SMYD4: variants seen among roughly 807,000 people sequenced by gnomAD.
SMYD4 encodes protein-lysine N-methyltransferase SMYD4.
In SMYD4, 68 loss-of-function variants were observed where a neutral mutation model predicts 72.8. The observed-to-expected ratio is 0.93, with a 90% CI of 0.77 to 1.14. The LOEUF (loss-of-function observed/expected upper bound fraction) is 1.14, where lower values mean the gene tolerates loss of function less well. Among genes scored for constraint, SMYD4 ranks in the 50% most tolerant of loss-of-function variants. The pLI, the probability that SMYD4 is intolerant of heterozygous loss-of-function variation, is 0.00. For missense variants in SMYD4, 984 were observed against 1,003.7 expected (o/e 0.98, Z 0.27); for synonymous variants, 407 against 388.6 (o/e 1.05, Z -0.56).
chr17:1,816,656 T>C (rs1910613656), intron 2 of SMYD4, among the ~76,000 whole-genome samples: 2 of 151,474 alleles, frequency 1.3e-5, no homozygotes, highest in Admixed American at 6.6e-5. Flanking sequence ...AGATGGAGTC[T>C]CCCTTTGTCG....
Position 1,800,010 on chromosome 17 carries a change from T to C in SMYD4, c.1384A>G (p.Ile462Val), listed in dbSNP as rs543569710. 3 of 1,614,190 alleles carry C rather than the reference T, an allele frequency of 1.9e-6. No individual in the cohort carries two copies. Among genetic ancestry groups the C allele is most frequent in the African/African-American group, 1.3e-5 (1 of 75,054 alleles). The part of the protein sequence containing the change: ...RQLEAASLQA[I>V]PTERIVNSSQ... ...GAGTTCACAATCCTCTCAGTTGGGATGGCCTGTAAACTGGCTGCTTCTAGC... is the reference window on the plus strand; with the variant it reads ...GAGTTCACAATCCTCTCAGTTGGGACGGCCTGTAAACTGGCTGCTTCTAGC... Residue 462 changes from isoleucine to valine, a missense_variant, in exon 5 of 11, where the codon ATC (isoleucine) becomes GTC (valine). Physicochemically the swap from Ile to Val is conservative, Grantham distance 29. Coordinates refer to ENST00000305513, the MANE Select transcript of SMYD4 (RefSeq NM_052928.3).
Position 1,800,868 on chromosome 17 carries a change from T to C in SMYD4, c.526A>G (p.Thr176Ala), listed in dbSNP as rs149682118. 1.4e-3 allele frequency: 2,206 copies of C among 1,614,196 alleles called. 5 individuals carry two copies. The highest frequency in any genetic ancestry group is 1.7e-3 in the Non-Finnish European group (1,976 of 1,180,028). The change falls in exon 5 of 11, where the codon ACA becomes GCA. Residue 176 changes from threonine to alanine, a missense_variant. Physicochemically the swap from Thr to Ala is moderately conservative, Grantham distance 58. Coordinates refer to ENST00000305513, the MANE Select transcript of SMYD4 (RefSeq NM_052928.3). ...ISDLERNFTA[T>A]PALADVLPQT... ...GGGAGGACATCTGCTAGGGCTGGTG[T>C]GGCTGTGAAGTTCCTTTCAAGATCA...
chr17:1,798,752 T>C (rs1035987474), intron 5 of SMYD4, among the ~76,000 whole-genome samples: 4 of 151,670 alleles, frequency 2.6e-5, no homozygotes, highest in Non-Finnish European at 5.9e-5. Flanking sequence ...ACAAAAAAAT[T>C]AGCCAGGCAT....
At chr17:1,804,168 C>CCTGG (rs1438243740) in intron 4 of SMYD4, among the ~76,000 whole-genome samples, 18 of 151,192 alleles carry the variant, frequency 1.2e-4, no homozygotes, top group Non-Finnish European at 2.4e-4. Flanking sequence ...AGCCACTGTG[C>CCTGG]CTGGCCTAGT....
intron 2 of SMYD4, among the ~76,000 whole-genome samples, chr17:1,826,794 G>C (rs996878936): frequency 2.6e-5 from 4 of 152,114 alleles, no homozygotes; most frequent in African/African-American, 7.2e-5. Context: ...ACATTACCAA[G>C]TTGTCATTCA....
At chr17:1,824,236 G>A (rs987604963) in intron 2 of SMYD4, among the ~76,000 whole-genome samples, 1 of 152,134 alleles carries the variant, frequency 6.6e-6, no homozygotes, top group African/African-American at 2.4e-5. Context: ...CTAGCTACTT[G>A]GGAGGCTGAG....
chr17:1,784,360 T>A lies in SMYD4; in HGVS notation c.1986A>T (p.Arg662Ser), dbSNP rs761931183. 222 of 1,614,246 alleles carry A rather than the reference T, an allele frequency of 1.4e-4. 2 individuals are homozygous for A. The highest frequency in any genetic ancestry group is 1.2e-3 in the Middle Eastern group (7 of 6,062). The part of the protein sequence containing the change: ...SRLQDLQQQV[R>S]VAQKLLRDGE... ...CATCTCTGAGAAGCTTCTGGGCCAC[T>A]CTGACCTGCTGCTGTAGGTCCTGTA... Residue 662 changes from arginine (R) to serine (S), a missense_variant, in exon 8 of 11, where the codon AGA (arginine) becomes AGT (serine). Transcript: ENST00000305513.
intron 5 of SMYD4, among the ~76,000 whole-genome samples, chr17:1,797,294 A>G (rs796639244): frequency 2.0e-5 from 3 of 152,244 alleles, no homozygotes; most frequent in South Asian, 2.1e-4. Flanking sequence ...AATTGAAAAA[A>G]TTAAGAAAAG....
At chr17:1,788,123 G>T (rs1478011747) in intron 5 of SMYD4, among the ~76,000 whole-genome samples, 1 of 152,046 alleles carries the variant, frequency 6.6e-6, no homozygotes, top group Non-Finnish European at 1.5e-5. Context: ...TCACGCAGAA[G>T]AATTGCTTGA....
chr17:1,805,606 G>A (rs1343876312), intron 3 of SMYD4, among the ~76,000 whole-genome samples: 2 of 151,662 alleles, frequency 1.3e-5, no homozygotes, highest in African/African-American at 4.8e-5. Context: ...GAGGTGAGGA[G>A]TTTGAGACCT....
chr17:1,782,962 A>G, intron 10 of SMYD4, 73 bp downstream of exon 10: 8 of 1,549,762 alleles, frequency 5.2e-6, no homozygotes, highest in Non-Finnish European at 6.9e-6. Context: ...AAAACACCAT[A>G]GAAAAAAAGT....
intron 7 of SMYD4, 103 bp from the exon 8 acceptor site, chr17:1,784,564 G>C: frequency 2.6e-6 from 4 of 1,528,928 alleles, no homozygotes; most frequent in African/African-American, 1.4e-5. Flanking sequence ...CCTCATGGGG[G>C]AAAGAGACTC....
rs1367386566 is a variant in SMYD4 at position 1,786,860 on chromosome 17, CTG to C, written c.1832_1833del (p.Ala611GlyfsTer20). On this transcript the variant is annotated frameshift_variant, in exon 7 of 11. Coordinates refer to ENST00000305513, the MANE Select transcript of SMYD4 (RefSeq NM_052928.3). LOFTEE classifies it high-confidence loss of function. The part of the protein sequence containing the change: ...ACQTEAHRMA[A>X]GPRWEAFCCN... ...CAACAGAATGCTTCCCACCTGGGCC[CTG>C]CAGCCATCCTGTGTGCCTCAGTTTG... is the stretch of plus-strand genomic sequence containing the variant. The C allele has an allele frequency of 8.7e-6, 14 of 1,614,216 alleles. No individual in the cohort carries two copies. Among genetic ancestry groups the C allele is most frequent in the Non-Finnish European group, 1.2e-5 (14 of 1,180,056 alleles).
chr17:1,819,358 G>T (rs531579393), intron 2 of SMYD4, among the ~76,000 whole-genome samples: 1 of 152,140 alleles, frequency 6.6e-6, no homozygotes, highest in South Asian at 2.1e-4. Flanking sequence ...CTACGTCTCA[G>T]AACAAACAAA....
At position 1,790,077 on chromosome 17, in the gene SMYD4, C is replaced by G. The variant is rs184386786; in HGVS notation, c.1538-2473G>C. Among the ~76,000 whole-genome samples the G allele has an allele frequency of 4.1e-3, 631 of 152,266 alleles. 3 individuals carry two copies. The highest frequency in any genetic ancestry group is 7.2e-3 in the Non-Finnish European group (490 of 68,022). ...AAGGCAGGTGGCAGGAAGGAGCCGT[C>G]CAGGGCATGAACAATTTGTCGTCTG... On this transcript the variant is annotated intron_variant, in intron 5 of 10. Coordinates refer to ENST00000305513, the MANE Select transcript of SMYD4 (RefSeq NM_052928.3).
intron 5 of SMYD4, among the ~76,000 whole-genome samples, chr17:1,799,009 T>C (rs909150899): frequency 2.6e-5 from 4 of 151,990 alleles, no homozygotes; most frequent in Non-Finnish European, 4.4e-5. Context: ...CGGTGGCTCA[T>C]GCCTATAATC....
intron 2 of SMYD4, among the ~76,000 whole-genome samples, chr17:1,821,427 T>C (rs1910885174): frequency 6.6e-6 from 1 of 151,882 alleles, no homozygotes; most frequent in African/African-American, 2.4e-5. Context: ...GGCAGGAGAA[T>C]CGCTTCAACC....
At position 1,780,092 on chromosome 17, in the gene SMYD4, A is replaced by G. The variant is rs1397897760; in HGVS notation, c.*1194T>C. On this transcript the variant is annotated 3_prime_UTR_variant, in exon 11 of 11. Coordinates refer to ENST00000305513, the MANE Select transcript of SMYD4 (RefSeq NM_052928.3). ...TACTGGAGGCCACTTAACTATTTCAAAAAATATTCACCAAAATAGGTGTCT... is the reference window on the plus strand; with the variant it reads ...TACTGGAGGCCACTTAACTATTTCAGAAAATATTCACCAAAATAGGTGTCT... 6.6e-6 allele frequency: 1 copy of G among 152,222 alleles called. No individual in the cohort carries two copies. The highest frequency in any genetic ancestry group is 1.5e-5 in the Non-Finnish European group (1 of 68,042). 9.4% of individuals were successfully genotyped at this position (152,222 alleles called of 1,614,324 possible).
chr17:1,782,801 C>G, intron 10 of SMYD4: 1 of 289,540 alleles, frequency 3.5e-6, no homozygotes, highest in African/African-American at 2.3e-5. Flanking sequence ...GAGTCTCGCT[C>G]TGTCGCCCAG....
Sources: gnomAD v4.1 joint callset for allele counts (sites outside exome capture counted in the v4.1 genomes callset) on GRCh38, gnomAD v4.1.1 for gene constraint, MANE v1.5 for transcripts, NCBI Gene and HGNC (gene_info 2026-07-23, HGNC 2026-07-21) for gene names.